Variants in CACNA2D3 observed in about 807,000 individuals in gnomAD.
CACNA2D3 encodes calcium voltage-gated channel auxiliary subunit alpha2delta 3.
A neutral mutation model predicts 160.6 loss-of-function variants in CACNA2D3; 60 were observed. That is an observed-to-expected ratio of 0.37 (90% CI 0.30 to 0.46). CACNA2D3 has a LOEUF of 0.46. Ranked by LOEUF, CACNA2D3 falls within the 20% of genes least tolerant of loss-of-function variation. The probability of loss-of-function intolerance (pLI) is 1.00; values close to 1 mark genes in which losing one functional copy is unlikely to be tolerated. For synonymous variants in CACNA2D3, 558 were observed against 492.9 expected, an observed-to-expected ratio of 1.13 and a Z score of -1.75; for missense variants, 1,205 against 1,365.0, an observed-to-expected ratio of 0.88 and a Z score of 1.85.
chr3:54,462,920 T>TTCC (rs1700535089), intron 4 of CACNA2D3, among the ~76,000 whole-genome samples: 1 of 149,202 alleles, frequency 6.7e-6, no homozygotes. Context: ...GTACCGGTTG[T>TTCC]TCCTTTCCAT....
intron 27 of CACNA2D3, among the ~76,000 whole-genome samples, chr3:54,936,410 A>G (rs1011194903): frequency 1.3e-5 from 2 of 152,136 alleles, no homozygotes; most frequent in African/African-American, 4.8e-5. Flanking sequence ...TGTGCTCTAC[A>G]TATCTCTGCT....
intron 2 of CACNA2D3, among the ~76,000 whole-genome samples, chr3:54,123,970 G>A (rs1336228795): frequency 1.3e-5 from 2 of 152,170 alleles, no homozygotes; most frequent in Non-Finnish European, 2.9e-5. Context: ...ATTTTGTGAT[G>A]CCTTTCACCT....
At chr3:54,400,414 C>T (rs1282623094) in intron 4 of CACNA2D3, among the ~76,000 whole-genome samples, 1 of 152,010 alleles carries the variant, frequency 6.6e-6, no homozygotes. Context: ...ATTCTGAGCA[C>T]CTGTTTCCTG....
chr3:54,337,799 C>T (rs1704419394), intron 3 of CACNA2D3, among the ~76,000 whole-genome samples: 1 of 152,198 alleles, frequency 6.6e-6, no homozygotes, highest in African/African-American at 2.4e-5. Flanking sequence ...ATAACATTGG[C>T]ATTCCATGTA....
intron 9 of CACNA2D3, among the ~76,000 whole-genome samples, chr3:54,583,150 A>C (rs1384746016): frequency 6.6e-6 from 1 of 152,156 alleles, no homozygotes; most frequent in Non-Finnish European, 1.5e-5. Flanking sequence ...CCAATATTGT[A>C]ATATTGTAAT....
rs552449935 is a variant in CACNA2D3 at position 54,607,271 on chromosome 3, G to A, written c.964-20516G>A. Among the ~76,000 whole-genome samples the A allele has an allele frequency of 2.6e-5, 4 of 152,212 alleles. No homozygotes were observed. The South Asian group carries it at 6.2e-4, about 24-fold the overall frequency. ...CACCTCCTGTCCCTGAGGTCATGCG[G>A]CACTATAGTTTCTGACTGTGGAATG... On this transcript the variant is annotated intron_variant, in intron 9 of 37. Coordinates refer to ENST00000474759, the MANE Select transcript of CACNA2D3 (RefSeq NM_018398.3).
chr3:54,243,154 C>T (rs887025993), intron 2 of CACNA2D3, among the ~76,000 whole-genome samples: 1 of 152,178 alleles, frequency 6.6e-6, no homozygotes, highest in South Asian at 2.1e-4. Context: ...CTCTCCAGCT[C>T]CCCTGTGCAT....
chr3:54,484,602 A>T (rs761600072), intron 4 of CACNA2D3, among the ~76,000 whole-genome samples: 1 of 152,178 alleles, frequency 6.6e-6, no homozygotes, highest in Non-Finnish European at 1.5e-5. Flanking sequence ...GACCACTGCG[A>T]TATTAAGTGT....
chr3:54,249,662 TACACACACACACAC>T lies in CACNA2D3; in HGVS notation c.205-70757_205-70744del, dbSNP rs10656572. ...CTTAGAACAAATCTCTCTGTTTACGTACACACACACACACACACACACACACACACACACACCCC... is the reference window on the plus strand; with the variant it reads ...CTTAGAACAAATCTCTCTGTTTACGTACACACACACACACACACACACCCC... On this transcript the variant is annotated intron_variant, in intron 2 of 37. Transcript: ENST00000474759. 5.3e-5 allele frequency among the ~76,000 whole-genome samples: 7 copies of T among 132,846 alleles called. No individual in the cohort carries two copies. The East Asian group carries it at 6.7e-4, about 13-fold the overall frequency. 87.2% of individuals were successfully genotyped at this position (132,846 alleles called of 152,430 possible). A position where few individuals can be genotyped will look rare whatever the true frequency, so the allele number is the denominator to read the frequency against.
At chr3:54,861,536 G>A (rs1383632728) in intron 17 of CACNA2D3, among the ~76,000 whole-genome samples, 2 of 152,164 alleles carry the variant, frequency 1.3e-5, no homozygotes, top group African/African-American at 4.8e-5. Flanking sequence ...TCCAGCCTAA[G>A]CAGTGATATG....
intron 11 of CACNA2D3, among the ~76,000 whole-genome samples, chr3:54,657,545 G>T (rs193234981): frequency 6.6e-6 from 1 of 152,036 alleles, no homozygotes; most frequent in East Asian, 1.9e-4. Flanking sequence ...TCTCCCTGCC[G>T]GCCCCTAGTA....
At chr3:54,540,129 A>G (rs1353882707) in intron 5 of CACNA2D3, among the ~76,000 whole-genome samples, 1 of 152,212 alleles carries the variant, frequency 6.6e-6, no homozygotes, top group African/African-American at 2.4e-5. Flanking sequence ...GCTATTGAAC[A>G]TGATGATTGT....
intron 3 of CACNA2D3, among the ~76,000 whole-genome samples, chr3:54,343,458 A>AT (rs1241794681): frequency 1.3e-5 from 2 of 151,944 alleles, no homozygotes; most frequent in East Asian, 1.9e-4. Context: ...CGCCCAGCTA[A>AT]TTTTTTGTAG....
intron 27 of CACNA2D3, among the ~76,000 whole-genome samples, chr3:54,919,109 A>G (rs1700759075): frequency 6.6e-6 from 1 of 152,140 alleles, no homozygotes; most frequent in African/African-American, 2.4e-5. Flanking sequence ...GCAATTACTT[A>G]TGACCAAGAA....
intron 4 of CACNA2D3, among the ~76,000 whole-genome samples, chr3:54,485,718 C>T (rs1014074881): frequency 2.6e-5 from 4 of 152,118 alleles, no homozygotes; most frequent in Non-Finnish European, 5.9e-5. Flanking sequence ...CGTGCAACAG[C>T]ACGCTTAGCC....
chr3:54,542,694 C>G (rs1440983158), intron 5 of CACNA2D3, among the ~76,000 whole-genome samples: 1 of 151,996 alleles, frequency 6.6e-6, no homozygotes, highest in Non-Finnish European at 1.5e-5. Flanking sequence ...TTATTTTAGT[C>G]ACACTGGCGG....
chr3:54,331,370 A>G (rs1704249408), intron 3 of CACNA2D3, among the ~76,000 whole-genome samples: 1 of 152,174 alleles, frequency 6.6e-6, no homozygotes, highest in African/African-American at 2.4e-5. Context: ...GGCCCCAAGG[A>G]ACATTGAGTT....
intron 2 of CACNA2D3, among the ~76,000 whole-genome samples, chr3:54,261,533 C>T (rs1457289834): frequency 6.6e-6 from 1 of 152,230 alleles, no homozygotes; most frequent in Non-Finnish European, 1.5e-5. Flanking sequence ...GCCTAAACCC[C>T]TTATTCTGCC....
At chr3:54,147,462 C>T (rs952976285) in intron 2 of CACNA2D3, among the ~76,000 whole-genome samples, 1 of 152,218 alleles carries the variant, frequency 6.6e-6, no homozygotes, top group East Asian at 1.9e-4. Flanking sequence ...CCTTTCTTCT[C>T]CCTCCCTCCT....
Sources: allele counts gnomAD v4.1 joint callset (sites outside exome capture counted in the v4.1 genomes callset), GRCh38; gene constraint gnomAD v4.1.1; transcripts MANE v1.5; gene names NCBI Gene and HGNC (gene_info 2026-07-23, HGNC 2026-07-21).